CYP11B2: variants seen among roughly 807,000 people sequenced by gnomAD.
CYP11B2 encodes the protein cytochrome P450 11B2, mitochondrial.
In CYP11B2, 38 loss-of-function variants were observed where a neutral mutation model predicts 49.3. The observed-to-expected ratio is 0.77, with a 90% confidence interval of 0.59 to 1.01. The LOEUF is 1.01. Among genes scored for constraint, CYP11B2 ranks in the 50% least tolerant of loss-of-function variants. The probability of loss-of-function intolerance (pLI) is 0.00; values close to 1 mark genes in which losing one functional copy is unlikely to be tolerated. For synonymous variants in CYP11B2, 290 were observed against 269.3 expected, an observed-to-expected ratio of 1.08 and a Z score of -0.75; for missense variants, 669 against 655.5, an observed-to-expected ratio of 1.02 and a Z score of -0.23.
At chr8:142,914,055 A>G (rs1291523070) in intron 5 of CYP11B2, 1 of 688,658 alleles carries the variant, frequency 1.5e-6, no homozygotes, top group Non-Finnish European at 2.6e-6. Flanking sequence ...GGTAACTGCA[A>G]ACTCAGTCTC....
In CYP11B2 at chr8:142,913,327, G is replaced by A; in HGVS notation, c.1079C>T (p.Thr360Ile). The A allele has an allele frequency of 1.9e-6, 3 of 1,614,068 alleles. No homozygotes were observed. The highest frequency in any genetic ancestry group is 1.7e-6 in the Non-Finnish European group (2 of 1,180,012). The change falls in exon 6 of 9, where the codon ACC becomes ATC. Residue 360 changes from threonine (T) to isoleucine (I), a missense_variant. Transcript: ENST00000323110. ...GGCCGCCCGCAGCAAGGGCAGCTCG[G>A]TGGTTGCCTTCTGGGGATGTTCACT... ...SISEHPQKAT[T>I]ELPLLRAALK...
rs952024016 is a variant in CYP11B2, at chr8:142,910,667, CA to C, written c.*1312del. On this transcript the variant is annotated 3_prime_UTR_variant, in exon 9 of 9. Transcript: ENST00000323110. The surrounding 1 kb of genome is among the most constrained non-coding windows in gnomAD (Gnocchi z 4.6). Reference sequence around the variant, plus strand: ...AAGGAAGCCATCTCTGAGGTCTGTGCACCTTGTTGCCCCCTTATTCCTTTCC... The same window carrying C: ...AAGGAAGCCATCTCTGAGGTCTGTGCCCTTGTTGCCCCCTTATTCCTTTCC... The C allele has an allele frequency of 1.2e-4, 18 of 152,160 alleles. No individual in the cohort carries two copies. The highest frequency in any genetic ancestry group is 4.3e-4 in the African/African-American group (18 of 41,402). The allele number at this position is 152,160 out of a possible 1,614,324, so 9.4% of individuals were successfully genotyped here. A position where few individuals can be genotyped will look rare whatever the true frequency, so the allele number is the denominator to read the frequency against.
At chr8:142,912,968 C>T (rs1467656856) in intron 6 of CYP11B2, 83 bp from the exon 7 acceptor site, 11 of 1,435,680 alleles carry the variant, frequency 7.7e-6, no homozygotes, top group Middle Eastern at 2.3e-4. Context: ...CCGAAGACCC[C>T]GCAGAGGTCC....
intron 5 of CYP11B2, chr8:142,913,852 T>A (rs1435276812): frequency 2.1e-6 from 1 of 466,256 alleles, no homozygotes; most frequent in Non-Finnish European, 4.2e-6. Flanking sequence ...CCCACAACCC[T>A]GCCCTCCCAT....
chr8:142,915,062 G>A lies in CYP11B2; in HGVS notation c.579C>T (p.Phe193=), dbSNP rs756927160. The A allele has an allele frequency of 6.2e-7, 1 of 1,613,886 alleles. No homozygotes were observed. The highest frequency in any genetic ancestry group is 1.1e-5 in the South Asian group (1 of 91,020). Residue 193 remains phenylalanine (F), a synonymous_variant, in exon 3 of 9, where the codon TTC becomes TTT. Transcript: ENST00000323110. The part of the protein sequence containing the change: ...SLTLDVQPSI[F]HYTIEASNLA... ...GGCCCACACCTTCTATGGTGTAGTG[G>A]AAGATGCTGGGCTGGACGTCCAGGG...
intron 2 of CYP11B2, among the ~76,000 whole-genome samples, chr8:142,916,006 A>G (rs1817638327): frequency 6.6e-6 from 1 of 152,170 alleles, no homozygotes; most frequent in African/African-American, 2.4e-5. Context: ...GCATGTGTGC[A>G]CAAACACTAC....
chr8:142,916,998 C>T (rs1379989059), intron 2 of CYP11B2, 61 bp downstream of exon 2: 20 of 1,598,206 alleles, frequency 1.3e-5, no homozygotes, highest in Middle Eastern at 3.4e-4. Context: ...TCTCTCGCCT[C>T]CCCCCTACAC....
rs186216868 is a variant in CYP11B2 at position 142,913,151 on chromosome 8, G to T, written c.1121+134C>A. ...AAGAGCTCCCTGTCCTTGAGGGGGA[G>T]GAAGAGCAGGTGCAGGGGAATGGGC... On this transcript the variant is annotated intron_variant, in intron 6 of 8. Coordinates refer to ENST00000323110, the MANE Select transcript of CYP11B2 (RefSeq NM_000498.3). 1.1e-3 allele frequency: 1,168 copies of T among 1,019,888 alleles called. 2 individuals carry two copies. The highest frequency in any genetic ancestry group is 3.7e-3 in the Middle Eastern group (12 of 3,216). The allele number at this position is 1,019,888 out of a possible 1,614,324, so 63.2% of individuals were successfully genotyped here.
At position 142,916,900 on chromosome 8, in the gene CYP11B2, C is replaced by G. The variant is rs113807034; in HGVS notation, c.395+159G>C. Among the ~76,000 whole-genome samples, 663 of 152,260 alleles carry G rather than the reference C, an allele frequency of 4.4e-3. 9 individuals carry two copies. The highest frequency in any genetic ancestry group is 0.015 in the African/African-American group (633 of 41,538). On this transcript the variant is annotated intron_variant, in intron 2 of 8. Coordinates refer to ENST00000323110, the MANE Select transcript of CYP11B2 (RefSeq NM_000498.3). ...TCCCCAACCCACAGTGCAGACGCGACCCCACAGGATGGCCGTCCTCTGGGC... is the reference window on the plus strand; with the variant it reads ...TCCCCAACCCACAGTGCAGACGCGAGCCCACAGGATGGCCGTCCTCTGGGC...
intron 2 of CYP11B2, chr8:142,916,523 CCTTG>C (rs1364431055): frequency 4.8e-6 from 2 of 416,482 alleles, no homozygotes; most frequent in South Asian, 3.4e-5. Flanking sequence ...CCACCTTGTG[CCTTG>C]CTTCTGAGAA....
chr8:142,910,776 C>G lies in CYP11B2; in HGVS notation c.*1204G>C, dbSNP rs543906752. The G allele has an allele frequency of 4.6e-5, 7 of 152,350 alleles. No homozygotes were observed. Among genetic ancestry groups the G allele is most frequent in the Admixed American group, 3.3e-4 (5 of 15,304 alleles). The allele number at this position is 152,350 out of a possible 1,614,324, so 9.4% of individuals were successfully genotyped here. On this transcript the variant is annotated 3_prime_UTR_variant, in exon 9 of 9. Transcript: ENST00000323110. This position sits in a 1 kb window ranked among gnomAD's most constrained non-coding sequence, Gnocchi z 4.6. ...CCTGAGTCCCTGAGTCCTGGAACTACTGAACACACCTGGAATGATTACCTA... is the reference window on the plus strand; with the variant it reads ...CCTGAGTCCCTGAGTCCTGGAACTAGTGAACACACCTGGAATGATTACCTA...
chr8:142,913,203 C>T (rs1202172617), intron 6 of CYP11B2, 82 bp downstream of exon 6: 1 of 1,488,654 alleles, frequency 6.7e-7, no homozygotes, highest in Non-Finnish European at 9.2e-7. Flanking sequence ...TTATCAGCCC[C>T]AGATTCTGTC....
In CYP11B2 at chr8:142,914,275, T is replaced by A; in HGVS notation, c.943A>T (p.Ser315Cys). 1.9e-6 allele frequency: 3 copies of A among 1,614,120 alleles called. No homozygotes were observed. Among genetic ancestry groups the A allele is most frequent in the Non-Finnish European group, 2.5e-6 (3 of 1,180,018 alleles). Residue 315 changes from serine (S) to cysteine (C), a missense_variant, in exon 5 of 9, where the codon AGC becomes TGC. By Grantham distance (112) the Ser-to-Cys change is moderately radical. Coordinates refer to ENST00000323110, the MANE Select transcript of CYP11B2 (RefSeq NM_000498.3). ...GTTGCTGGCCTGACCGTGTCCACGC[T>A]CCCTGCAGTGAGTTCCATAGAGTTG... ...KANSMELTAG[S>C]VDTTAFPLLM...
Position 142,917,660 on chromosome 8 carries a change from A to G in CYP11B2, c.181T>C (p.Tyr61His). Reference protein sequence around the residue: ...RLLQIWREQGYEHLHLEMHQT... With the variant: ...RLLQIWREQGHEHLHLEMHQT... ...TGCATCTCCAGGTGCAGGTGCTCAT[A>G]ACCCTGCTCCCTCCAGATCTGCAGC... is the stretch of plus-strand genomic sequence containing the variant. The change falls in exon 1 of 9, where the codon TAT becomes CAT. Residue 61 changes from tyrosine (Y) to histidine (H), a missense_variant. Transcript: ENST00000323110. 1 of 1,614,210 alleles carries G rather than the reference A, an allele frequency of 6.2e-7. No homozygotes were observed. Among genetic ancestry groups the G allele is most frequent in the Non-Finnish European group, 8.5e-7 (1 of 1,180,038 alleles).
At chr8:142,914,984 T>G in intron 3 of CYP11B2, 62 bp downstream of exon 3, 1 of 1,611,370 alleles carries the variant, frequency 6.2e-7, no homozygotes, top group Non-Finnish European at 8.5e-7. Flanking sequence ...CCTTCAGTCC[T>G]CCATCCCCAT....
chr8:142,913,580 A>T lies in CYP11B2; in HGVS notation c.955-129T>A, dbSNP rs1455776428. On this transcript the variant is annotated intron_variant, in intron 5 of 8. Transcript: ENST00000323110. ...CCCTGAGCAAAAACAGAGCCCTGGG[A>T]CCCCGGATCTGAAACCTTGATGACC... The T allele has an allele frequency of 4.5e-6, 5 of 1,109,786 alleles. No individual in the cohort carries two copies. The African/African-American group carries it at 7.8e-5, about 17-fold the overall frequency. The allele number at this position is 1,109,786 out of a possible 1,614,324, so 68.7% of individuals were successfully genotyped here. A position where few individuals can be genotyped will look rare whatever the true frequency, so the allele number is the denominator to read the frequency against.
At chr8:142,912,427 T>A (rs1817551761) in intron 8 of CYP11B2, 103 bp downstream of exon 8, 7 of 1,288,886 alleles carry the variant, frequency 5.4e-6, no homozygotes, top group Non-Finnish European at 7.7e-6. Flanking sequence ...CAAGGCCCCA[T>A]CCACTGTTCC....
intron 5 of CYP11B2, among the ~76,000 whole-genome samples, chr8:142,913,745 A>G (rs1454385996): frequency 1.3e-5 from 2 of 152,094 alleles, no homozygotes; most frequent in African/African-American, 4.8e-5. Flanking sequence ...TCATCCAGGG[A>G]GTTCTGGAGC....
chr8:142,915,048 T>C lies in CYP11B2; in HGVS notation c.593A>G (p.Glu198Gly), dbSNP rs544064549. The C allele has an allele frequency of 6.2e-7, 1 of 1,613,740 alleles. No individual in the cohort carries two copies. The highest frequency in any genetic ancestry group is 8.5e-7 in the Non-Finnish European group (1 of 1,179,920). The change falls in exon 3 of 9, where the codon GAA becomes GGA. Residue 198 changes from glutamate to glycine, a missense_variant and splice_region_variant. By Grantham distance (98) the Glu-to-Gly change is moderately conservative. Coordinates refer to ENST00000323110, the MANE Select transcript of CYP11B2 (RefSeq NM_000498.3). The stretch of plus-strand genomic sequence containing the variant: ...GGACCTTCCCGCATGGCCCACACCT[T>C]CTATGGTGTAGTGGAAGATGCTGGG... ...VQPSIFHYTI[E>G]ASNLALFGER...
Sources: gnomAD v4.1 joint callset for allele counts (sites outside exome capture counted in the v4.1 genomes callset) on GRCh38, gnomAD v4.1.1 for gene constraint, Gnocchi (gnomAD v3.1) non-coding constraint, MANE v1.5 for transcripts, NCBI Gene and HGNC (gene_info 2026-07-23, HGNC 2026-07-21) for gene names.